Variants in FSTL4 observed in about 807,000 individuals in gnomAD.
The protein encoded by FSTL4 is follistatin like 4.
Under a neutral mutation model 78.2 loss-of-function variants are expected in FSTL4, and 28 were observed. The ratio of observed to expected loss-of-function variants is 0.36; its 90% CI spans 0.27 to 0.49. The LOEUF is 0.49. FSTL4 is among the 20% of genes least tolerant of loss of function. The pLI, the probability that FSTL4 is intolerant of heterozygous loss-of-function variation, is 0.98. For missense variants in FSTL4, 922 were observed against 1,084.9 expected, an observed-to-expected ratio of 0.85 and a Z score of 2.11; for synonymous variants, 422 against 440.5, an observed-to-expected ratio of 0.96 and a Z score of 0.53.
chr5:133,777,255 A>G, the FSTL4 span, among the ~76,000 whole-genome samples: 100 of 152,324 alleles, frequency 6.6e-4, no homozygotes, highest in African/African-American at 2.3e-3. Context: ...AACAGCATAG[A>G]AAGTTTTTAT....
chr5:133,236,806 T>C lies in FSTL4; in HGVS notation c.895-3269A>G, dbSNP rs1161765731. Among the ~76,000 whole-genome samples the C allele has an allele frequency of 1.3e-5, 2 of 152,306 alleles. No homozygotes were observed. The highest frequency in any genetic ancestry group is 2.1e-4 in the South Asian group (1 of 4,828). On this transcript the variant is annotated intron_variant, in intron 7 of 15. Coordinates refer to ENST00000265342, the MANE Select transcript of FSTL4 (RefSeq NM_015082.2). This position sits in a 1 kb window ranked among gnomAD's most constrained non-coding sequence, Gnocchi z 5.0. ...GCTCCAACCTTGTCTGGCAGCCCCA[T>C]TTCTGGAGCCTAACCTCTTCCCCAC...
At chr5:133,779,978 G>A in the FSTL4 span, among the ~76,000 whole-genome samples, 1 of 152,174 alleles carries the variant, frequency 6.6e-6, no homozygotes, top group Non-Finnish European at 1.5e-5. Flanking sequence ...ATATCACCAA[G>A]GCCTACAGAG....
intron 3 of FSTL4, among the ~76,000 whole-genome samples, chr5:133,401,721 T>C (rs894617924): frequency 6.6e-6 from 1 of 152,194 alleles, no homozygotes; most frequent in African/African-American, 2.4e-5. Context: ...GCGGGTGATG[T>C]GCCAGTGGGC....
At chr5:133,404,998 C>T (rs938964049) in intron 3 of FSTL4, among the ~76,000 whole-genome samples, 10 of 152,346 alleles carry the variant, frequency 6.6e-5, no homozygotes, top group East Asian at 1.9e-4. Context: ...TGGATGCCAG[C>T]GGCCTGCTGG....
chr5:133,708,671 G>A, the FSTL4 span, among the ~76,000 whole-genome samples: 1 of 152,214 alleles, frequency 6.6e-6, no homozygotes, highest in Non-Finnish European at 1.5e-5. Flanking sequence ...CAAAGGAGCT[G>A]CAACTCTATC....
chr5:133,329,519 C>G (rs1460889323), intron 4 of FSTL4, among the ~76,000 whole-genome samples: 1 of 152,126 alleles, frequency 6.6e-6, no homozygotes. Flanking sequence ...AGAGCCAGTC[C>G]GAGTCCCAGA....
intron 2 of FSTL4, among the ~76,000 whole-genome samples, chr5:133,599,014 C>A (rs1439240066): frequency 6.6e-6 from 1 of 152,096 alleles, no homozygotes; most frequent in African/African-American, 2.4e-5. Context: ...GATCTCAAGC[C>A]CTACAGACGA....
chr5:133,798,216 A>G, the FSTL4 span, among the ~76,000 whole-genome samples: 5 of 152,192 alleles, frequency 3.3e-5, no homozygotes, highest in African/African-American at 9.7e-5. Flanking sequence ...TCAGGCCAAA[A>G]ATAAGTAAAA....
chr5:133,297,558 G>A (rs953432091), intron 6 of FSTL4, among the ~76,000 whole-genome samples: 1 of 152,190 alleles, frequency 6.6e-6, no homozygotes, highest in African/African-American at 2.4e-5. Context: ...AGGATTGAAT[G>A]TCACTAAATG....
intron 4 of FSTL4, among the ~76,000 whole-genome samples, chr5:133,339,490 C>T (rs915551393): frequency 6.6e-5 from 10 of 152,062 alleles, no homozygotes; most frequent in African/African-American, 1.9e-4. Context: ...CTCAGAACAT[C>T]GATCATCTCT....
intron 3 of FSTL4, among the ~76,000 whole-genome samples, chr5:133,428,771 C>A (rs138617268): frequency 3.9e-5 from 6 of 152,340 alleles, no homozygotes; most frequent in Non-Finnish European, 8.8e-5. Flanking sequence ...CTAAACTTAA[C>A]ATGACTCTTC....
At chr5:133,745,407 T>A in the FSTL4 span, among the ~76,000 whole-genome samples, 1 of 152,200 alleles carries the variant, frequency 6.6e-6, no homozygotes, top group Non-Finnish European at 1.5e-5. Flanking sequence ...AATAAGCACA[T>A]AAGAAGTCAG....
chr5:133,491,401 CTT>C (rs754185647), intron 3 of FSTL4, among the ~76,000 whole-genome samples: 1,762 of 137,844 alleles, frequency 0.013, 29 homozygotes, highest in African/African-American at 0.045. Flanking sequence ...ACAATTTTTT[CTT>C]TTTTTTTTTT....
At chr5:133,627,869 T>C in the FSTL4 span, among the ~76,000 whole-genome samples, 1 of 151,680 alleles carries the variant, frequency 6.6e-6, no homozygotes, top group African/African-American at 2.4e-5. Context: ...TATTTTTGCA[T>C]TATTTATATT....
At chr5:133,697,301 C>G in the FSTL4 span, among the ~76,000 whole-genome samples, 2 of 152,264 alleles carry the variant, frequency 1.3e-5, no homozygotes, top group Middle Eastern at 3.4e-3. Flanking sequence ...CAGGCAACCC[C>G]GGGTGAAACA....
At chr5:133,725,301 G>GA in the FSTL4 span, among the ~76,000 whole-genome samples, 1 of 152,224 alleles carries the variant, frequency 6.6e-6, no homozygotes, top group South Asian at 2.1e-4. Flanking sequence ...AAAAAAAGAT[G>GA]AAACTAGATC....
At chr5:133,378,459 C>T (rs1755492506) in intron 4 of FSTL4, among the ~76,000 whole-genome samples, 1 of 152,034 alleles carries the variant, frequency 6.6e-6, no homozygotes, top group Non-Finnish European at 1.5e-5. Context: ...AGAAAACCAG[C>T]AATGGTAAAT....
At chr5:133,242,860 G>A (rs1751919739) in intron 7 of FSTL4, among the ~76,000 whole-genome samples, 1 of 152,168 alleles carries the variant, frequency 6.6e-6, no homozygotes, top group African/African-American at 2.4e-5. Flanking sequence ...TTATTTTAAT[G>A]CAGAGCCTAC....
the FSTL4 span, among the ~76,000 whole-genome samples, chr5:133,803,592 C>T: frequency 6.6e-6 from 1 of 152,200 alleles, no homozygotes; most frequent in Non-Finnish European, 1.5e-5. Context: ...CACTATTCAC[C>T]CCACCCTAAG....
Sources: allele counts gnomAD v4.1 joint callset (sites outside exome capture counted in the v4.1 genomes callset), GRCh38; gene constraint gnomAD v4.1.1; non-coding constraint Gnocchi (gnomAD v3.1); transcripts MANE v1.5; gene names NCBI Gene and HGNC (gene_info 2026-07-23, HGNC 2026-07-21).